Variants in PXDNL observed in about 807,000 individuals in gnomAD.
PXDNL encodes the protein probable oxidoreductase PXDNL.
PXDNL carries 145 observed loss-of-function variants against 150.8 expected under a neutral mutation model. That is an observed-to-expected ratio of 0.96 (90% CI 0.84 to 1.10). PXDNL has a LOEUF of 1.10. Ranked by LOEUF, PXDNL falls within the 50% of genes least tolerant of loss-of-function variation. The pLI is 0.00. For missense variants in PXDNL, 2,087 were observed against 1,873.9 expected (o/e 1.11, Z -2.10); for synonymous variants, 757 against 725.7 (o/e 1.04, Z -0.69).
intron 12 of PXDNL, chr8:51,435,744 C>T: frequency 2.6e-6 from 1 of 379,798 alleles, no homozygotes; most frequent in Non-Finnish European, 5.3e-6. Context: ...GACTGGATCC[C>T]AGGCCCCGTT....
chr8:51,630,655 G>A (rs149936313), intron 2 of PXDNL, among the ~76,000 whole-genome samples: 1 of 152,034 alleles, frequency 6.6e-6, no homozygotes, highest in African/African-American at 2.4e-5. Flanking sequence ...AAAGTCATAC[G>A]CACAGCCAAC....
chr8:51,651,410 C>T (rs751913280), intron 2 of PXDNL, among the ~76,000 whole-genome samples: 21 of 152,050 alleles, frequency 1.4e-4, no homozygotes, highest in African/African-American at 1.9e-4. Context: ...CAAAATAAAA[C>T]GTCAGAGGAA....
In PXDNL at chr8:51,578,009, GGAAGGA is replaced by G. The variant is rs1563471264; in HGVS notation, c.308+14612_308+14617del. ...AAAGAAAGAAAGAAAGAGGAAGGAA[GGAAGGA>G]AGGAAGGAAGGAAGGAAGGAAGGAA... On this transcript the variant is annotated intron_variant, in intron 3 of 22. Transcript: ENST00000356297. 1.1e-3 allele frequency among the ~76,000 whole-genome samples: 96 copies of G among 85,928 alleles called. 1 individual carries two copies. The highest frequency in any genetic ancestry group is 8.8e-3 in the Middle Eastern group (1 of 114). The allele number at this position is 85,928 out of a possible 152,430, so 56.4% of individuals were successfully genotyped here.
intron 22 of PXDNL, 30 bp downstream of exon 22, chr8:51,320,754 G>T: frequency 7.4e-7 from 1 of 1,359,990 alleles, no homozygotes; most frequent in South Asian, 1.2e-5. Context: ...GTGAAATGGG[G>T]AGTTGGACTG....
At chr8:51,348,458 ACAT>A (rs1163364889) in intron 19 of PXDNL, among the ~76,000 whole-genome samples, 1 of 152,196 alleles carries the variant, frequency 6.6e-6, no homozygotes, top group African/African-American at 2.4e-5. Flanking sequence ...TGTAGTTCTG[ACAT>A]CATTTCTTTT....
rs563319052 is a variant in PXDNL at position 51,630,741 on chromosome 8, A to G, written c.236+23948T>C. Among the ~76,000 whole-genome samples, 52 of 152,050 alleles carry G rather than the reference A, an allele frequency of 3.4e-4. 1 individual carries two copies. The South Asian group carries it at 6.6e-3, about 19-fold the overall frequency. On this transcript the variant is annotated intron_variant, in intron 2 of 22. Coordinates refer to ENST00000356297, the MANE Select transcript of PXDNL (RefSeq NM_144651.5). ...CAAACCCACAATGAGATACTGTCTC[A>G]TAACAGTCAGAATAGTTATTATCTA... is the stretch of plus-strand genomic sequence containing the variant.
chr8:51,354,762 G>A (rs1010214632), intron 19 of PXDNL, among the ~76,000 whole-genome samples: 1 of 152,028 alleles, frequency 6.6e-6, no homozygotes, highest in African/African-American at 2.4e-5. Flanking sequence ...TCTTTCTTAT[G>A]TGATAGAATA....
chr8:51,463,854 C>T (rs1563423297), intron 8 of PXDNL, among the ~76,000 whole-genome samples: 1 of 151,854 alleles, frequency 6.6e-6, no homozygotes, highest in African/African-American at 2.4e-5. Flanking sequence ...TTTGGGTAAA[C>T]AACAAAATTA....
intron 2 of PXDNL, among the ~76,000 whole-genome samples, chr8:51,608,166 G>A (rs1259297085): frequency 2.0e-5 from 3 of 148,490 alleles, no homozygotes; most frequent in African/African-American, 5.2e-5. Context: ...GAGGTGGGCA[G>A]ATCATGAGGT....
chr8:51,603,963 CT>C (rs199791886), intron 2 of PXDNL, among the ~76,000 whole-genome samples: 2,082 of 151,886 alleles, frequency 0.014, 30 homozygotes, highest in East Asian at 0.062. Context: ...AAAGATATGG[CT>C]TTTTTTTGGA....
intron 4 of PXDNL, among the ~76,000 whole-genome samples, chr8:51,500,507 G>A (rs1414995483): frequency 6.6e-6 from 1 of 152,222 alleles, no homozygotes; most frequent in Non-Finnish European, 1.5e-5. Context: ...AGACCTTTGT[G>A]AAGCAAATCT....
intron 4 of PXDNL, among the ~76,000 whole-genome samples, chr8:51,517,999 A>C (rs905547419): frequency 6.6e-6 from 1 of 152,288 alleles, no homozygotes; most frequent in South Asian, 2.1e-4. Context: ...TCCTTAATTT[A>C]TCTTCATATA....
intron 1 of PXDNL, among the ~76,000 whole-genome samples, chr8:51,684,623 T>A (rs963502682): frequency 2.0e-5 from 3 of 152,244 alleles, no homozygotes; most frequent in Non-Finnish European, 1.5e-5. Flanking sequence ...GACTTTGACT[T>A]AATAAATGGG....
intron 1 of PXDNL, among the ~76,000 whole-genome samples, chr8:51,760,461 C>G (rs898762283): frequency 6.6e-6 from 1 of 152,108 alleles, no homozygotes; most frequent in African/African-American, 2.4e-5. Context: ...GGAAATTTGT[C>G]AGAGTGTGAG....
At chr8:51,430,586 T>C (rs2129795208) in intron 12 of PXDNL, among the ~76,000 whole-genome samples, 1 of 152,314 alleles carries the variant, frequency 6.6e-6, no homozygotes, top group South Asian at 2.1e-4. Flanking sequence ...GCTACAGAAC[T>C]TGAACTCTCT....
intron 12 of PXDNL, among the ~76,000 whole-genome samples, chr8:51,442,253 G>A (rs1361183303): frequency 6.7e-6 from 1 of 149,762 alleles, no homozygotes; most frequent in African/African-American, 2.5e-5. Flanking sequence ...TACTGTCTGG[G>A]TACATTTTAA....
chr8:51,362,753 A>T (rs1198874194), intron 19 of PXDNL, among the ~76,000 whole-genome samples: 1 of 152,220 alleles, frequency 6.6e-6, no homozygotes, highest in African/African-American at 2.4e-5. Context: ...TGAAAGAGGG[A>T]TAGTCTAAAG....
At chr8:51,579,531 T>C (rs1256216130) in intron 3 of PXDNL, among the ~76,000 whole-genome samples, 1 of 152,088 alleles carries the variant, frequency 6.6e-6, no homozygotes, top group Admixed American at 6.6e-5. Context: ...AAACAATTTA[T>C]CAGTGTCTTT....
chr8:51,668,094 G>A (rs775415769), intron 1 of PXDNL, among the ~76,000 whole-genome samples: 8 of 150,734 alleles, frequency 5.3e-5, no homozygotes, highest in Non-Finnish European at 1.0e-4. Flanking sequence ...AAGAAGAGCC[G>A]ACCAGCTGGG....
Sources: gnomAD v4.1 joint callset for allele counts (sites outside exome capture counted in the v4.1 genomes callset) on GRCh38, gnomAD v4.1.1 for gene constraint, MANE v1.5 for transcripts, NCBI Gene and HGNC (gene_info 2026-07-23, HGNC 2026-07-21) for gene names.